The following TLE2 variants were observed in gnomAD, a reference collection of about 807,000 sequenced individuals.
TLE2 encodes the protein transducin-like enhancer protein 2.
TLE2 carries 74 observed loss-of-function variants against 97.2 expected under a neutral mutation model. The ratio of observed to expected loss-of-function variants is 0.76; its 90% CI spans 0.63 to 0.92. The LOEUF is 0.92. Ranked by LOEUF, TLE2 falls within the 40% of genes least tolerant of loss-of-function variation. The pLI, the probability that TLE2 is intolerant of heterozygous loss-of-function variation, is 0.00. For missense variants in TLE2, 1,038 were observed against 1,008.7 expected, an observed-to-expected ratio of 1.03 and a Z score of -0.39; for synonymous variants, 499 against 432.1, an observed-to-expected ratio of 1.15 and a Z score of -1.92.
At chr19:3,041,428 C>A (rs2090102533) in intron 1 of TLE2, among the ~76,000 whole-genome samples, 1 of 152,144 alleles carries the variant, frequency 6.6e-6, no homozygotes, top group African/African-American at 2.4e-5. Context: ...GTGCCGCCTC[C>A]AGGCTTCGCC....
Position 3,017,849 on chromosome 19 carries a change from G to A in TLE2, c.561C>T (p.Ala187=), listed in dbSNP as rs889193340. ...VEAEGSRVER[A]PSRSASPSPP... ...GGTGCCACTCACTTACCCTGCTCGG[G>A]GCTCTCTCCACTGACAGATTGGGAA... The change falls in exon 8 of 20, where the codon GCC becomes GCT. Residue 187 remains alanine, a synonymous_variant. Transcript: ENST00000262953. 7 of 1,612,192 alleles carry A rather than the reference G, an allele frequency of 4.3e-6. No individual in the cohort carries two copies. The highest frequency in any genetic ancestry group is 5.9e-6 in the Non-Finnish European group (7 of 1,179,276).
In TLE2 at chr19:3,029,179, G is replaced by T; in HGVS notation, c.-275C>A. 1 of 727,340 alleles carries T rather than the reference G, an allele frequency of 1.4e-6. No homozygotes were observed. The highest frequency in any genetic ancestry group is 1.7e-6 in the Non-Finnish European group (1 of 596,860). The allele number at this position is 727,340 out of a possible 1,614,324, so 45.1% of individuals were successfully genotyped here. A position where few individuals can be genotyped will look rare whatever the true frequency, so the allele number is the denominator to read the frequency against. On this transcript the variant is annotated 5_prime_UTR_variant, in exon 1 of 20. Coordinates refer to ENST00000262953, the MANE Select transcript of TLE2 (RefSeq NM_003260.5). ...CGGGAGCGCGGCGAGGGCGGCCGCGGCAGCCGGCGCAGAAGGTCGGGCGCG... is the reference window on the plus strand; with the variant it reads ...CGGGAGCGCGGCGAGGGCGGCCGCGTCAGCCGGCGCAGAAGGTCGGGCGCG...
Position 2,997,902 on chromosome 19 carries a change from G to T in TLE2, c.2178C>A (p.Tyr726Ter), listed in dbSNP as rs1336786557. The T allele has an allele frequency of 6.2e-7, 1 of 1,613,206 alleles. No homozygotes were observed. Among genetic ancestry groups the T allele is most frequent in the East Asian group, 2.2e-5 (1 of 44,866 alleles). The change falls in exon 20 of 20, where the codon TAC (tyrosine) becomes TAA (stop). Residue 726 changes from tyrosine to a stop codon, truncating the protein, a stop_gained. Transcript: ENST00000262953. LOFTEE classifies it high-confidence loss of function. ...TCTTGTCCCCCGAGCCTGTCACGAT[G>T]TATTTGTTATTTCTGGAGATGTCAC... is the stretch of plus-strand genomic sequence containing the variant. ...LSCDISRNNK[Y>*]IVTGSGDKKA...
At chr19:3,039,777 G>T (rs749210244) in intron 1 of TLE2, among the ~76,000 whole-genome samples, 2 of 152,178 alleles carry the variant, frequency 1.3e-5, no homozygotes, top group African/African-American at 2.4e-5. Flanking sequence ...CTGCTAACCT[G>T]CCCAGCGCTA....
intron 1 of TLE2, among the ~76,000 whole-genome samples, chr19:3,041,626 G>C (rs931940857): frequency 1.3e-5 from 2 of 152,084 alleles, no homozygotes; most frequent in Non-Finnish European, 2.9e-5. Context: ...CCTACCACTT[G>C]GTGTTCTCTG....
At chr19:3,011,201 G>A in intron 11 of TLE2, 41 bp from the exon 12 acceptor site, 2 of 1,533,768 alleles carry the variant, frequency 1.3e-6, no homozygotes, top group Non-Finnish European at 1.8e-6. Flanking sequence ...CAGGCACCTG[G>A]TGTCTTGTGG....
intron 1 of TLE2, among the ~76,000 whole-genome samples, chr19:3,040,759 C>T (rs1367723469): frequency 1.3e-5 from 2 of 151,878 alleles, no homozygotes; most frequent in Non-Finnish European, 2.9e-5. Context: ...ACCTCAACCT[C>T]CCAAGTAGCT....
In TLE2 at chr19:3,028,963, A is replaced by G; in HGVS notation, c.-59T>C. On this transcript the variant is annotated 5_prime_UTR_variant, in exon 1 of 20. Transcript: ENST00000262953. ...AGAGCTTGATGATATGGAGGCGGCA[A>G]GAGTGGGGGAGGCTGAAGTGGGGTG... 6.3e-7 allele frequency: 1 copy of G among 1,584,696 alleles called. No homozygotes were observed. Among genetic ancestry groups the G allele is most frequent in the Non-Finnish European group, 8.6e-7 (1 of 1,167,124 alleles).
rs540752983 is a variant in TLE2, at chr19:3,008,836, A to G, written c.1250+33T>C. The G allele has an allele frequency of 1.3e-5, 19 of 1,497,548 alleles. No individual in the cohort carries two copies. In the South Asian group the frequency reaches 2.3e-4, roughly 18 times the overall value. The allele number at this position is 1,497,548 out of a possible 1,614,324, so 92.8% of individuals were successfully genotyped here. On this transcript the variant is annotated intron_variant, in intron 14 of 19. Transcript: ENST00000262953. ...AGAGGAGGTGGGGGGCTGGCCCGGG[A>G]CCCCAGGCAGGGAGCCCCACCCTGG...
chr19:3,029,009 AAG>A lies in TLE2; in HGVS notation c.-107_-106del. The stretch of plus-strand genomic sequence containing the variant: ...GGGTGGTGGGGAGGCTGCCCGAAGA[AAG>A]AGGGAGGAGGGAGAAGCGGCGCGGG... On this transcript the variant is annotated 5_prime_UTR_variant, in exon 1 of 20. Coordinates refer to ENST00000262953, the MANE Select transcript of TLE2 (RefSeq NM_003260.5). 2 of 1,525,630 alleles carry A rather than the reference AAG, an allele frequency of 1.3e-6. No individual in the cohort carries two copies. The highest frequency in any genetic ancestry group is 1.8e-6 in the Non-Finnish European group (2 of 1,137,484). The allele number at this position is 1,525,630 out of a possible 1,614,324, so 94.5% of individuals were successfully genotyped here.
At chr19:3,033,188 A>C (rs1323209596), upstream of TLE2, among the ~76,000 whole-genome samples, 2 of 135,636 alleles carry the variant, frequency 1.5e-5, no homozygotes, top group Admixed American at 1.4e-4. Flanking sequence ...TTTTTTTTTT[A>C]ATGGAGTCTC....
chr19:3,016,539 G>A (rs1371863117), intron 8 of TLE2, among the ~76,000 whole-genome samples: 4 of 146,566 alleles, frequency 2.7e-5, no homozygotes, highest in African/African-American at 7.5e-5. Flanking sequence ...ACAGTGAGCC[G>A]AGATTGCACC....
chr19:3,011,774 C>T (rs564493959), intron 11 of TLE2, among the ~76,000 whole-genome samples: 1 of 151,802 alleles, frequency 6.6e-6, no homozygotes, highest in South Asian at 2.1e-4. Flanking sequence ...TGCTTGAACC[C>T]GGGAGGCAGA....
intron 1 of TLE2, among the ~76,000 whole-genome samples, chr19:3,040,421 A>C (rs1344573789): frequency 6.6e-6 from 1 of 151,192 alleles, no homozygotes; most frequent in Non-Finnish European, 1.5e-5. Context: ...GTTCACTGCA[A>C]CCTCCACCTC....
intron 5 of TLE2, among the ~76,000 whole-genome samples, chr19:3,023,157 C>G (rs1347154390): frequency 6.6e-6 from 1 of 151,712 alleles, no homozygotes; most frequent in Non-Finnish European, 1.5e-5. Context: ...CGGGTTCAAG[C>G]AATTCTCCTG....
upstream of TLE2, among the ~76,000 whole-genome samples, chr19:3,034,265 A>G (rs1356379159): frequency 6.7e-6 from 1 of 149,176 alleles, no homozygotes; most frequent in Non-Finnish European, 1.5e-5. Flanking sequence ...TCCCATCTGG[A>G]CCACAGCCAC....
At position 3,029,119 on chromosome 19, in the gene TLE2, G is replaced by C; in HGVS notation, c.-215C>G. On this transcript the variant is annotated 5_prime_UTR_variant, in exon 1 of 20. Transcript: ENST00000262953. ...AGCCCCTCCCCGGGTTGGGGTGCGC[G>C]GGGCGAGCGGGGCGGGCAGGGGCAG... 1 of 1,126,922 alleles carries C rather than the reference G, an allele frequency of 8.9e-7. No homozygotes were observed. 69.8% of individuals were successfully genotyped at this position (1,126,922 alleles called of 1,614,324 possible).
intron 19 of TLE2, among the ~76,000 whole-genome samples, chr19:2,999,470 G>A (rs1181508842): frequency 6.6e-6 from 1 of 152,102 alleles, no homozygotes; most frequent in Non-Finnish European, 1.5e-5. Context: ...GCTCACACCT[G>A]TAATCCCAGC....
At chr19:3,026,400 A>G (rs1371295570) in intron 4 of TLE2, among the ~76,000 whole-genome samples, 1 of 150,970 alleles carries the variant, frequency 6.6e-6, no homozygotes, top group Admixed American at 6.6e-5. Flanking sequence ...GTGAGCCAAG[A>G]TCAGGTCATT....
Sources: allele counts gnomAD v4.1 joint callset (sites outside exome capture counted in the v4.1 genomes callset), GRCh38; gene constraint gnomAD v4.1.1; transcripts MANE v1.5; gene names NCBI Gene and HGNC (gene_info 2026-07-23, HGNC 2026-07-21).